DNAH14: variants seen among roughly 807,000 people sequenced by gnomAD.
DNAH14 encodes the protein dynein axonemal heavy chain 14.
DNAH14 carries 478 observed loss-of-function variants against 520.9 expected under a neutral mutation model. The ratio of observed to expected loss-of-function variants is 0.92; its 90% CI spans 0.85 to 0.99. The LOEUF is 0.99. Ranked by LOEUF, DNAH14 falls within the 50% of genes least tolerant of loss-of-function variation. The pLI, the probability that DNAH14 is intolerant of heterozygous loss-of-function variation, is 0.00. For synonymous variants in DNAH14, 1,581 were observed against 1,757.2 expected, an observed-to-expected ratio of 0.90 and a Z score of 2.51; for missense variants, 4,831 against 5,234.5, an observed-to-expected ratio of 0.92 and a Z score of 2.38.
chr1:225,097,119 A>G lies in DNAH14; in HGVS notation c.3575A>G (p.Asp1192Gly). The G allele has an allele frequency of 6.5e-7, 1 of 1,545,844 alleles. No homozygotes were observed. Among genetic ancestry groups the G allele is most frequent in the Non-Finnish European group, 8.7e-7 (1 of 1,144,110 alleles). The change falls in exon 22 of 86, where the codon GAT becomes GGT. Residue 1192 changes from aspartate (D) to glycine (G), a missense_variant and splice_region_variant. Asp to Gly is a moderately conservative substitution (Grantham distance 94). Transcript: ENST00000682510. Reference sequence around the variant, plus strand: ...GTGTATATGTTTTTATCATTGTAGGATCTTGTGAATGAATGGGATCAAAAC... The same window carrying G: ...GTGTATATGTTTTTATCATTGTAGGGTCTTGTGAATGAATGGGATCAAAAC... The part of the protein sequence containing the change: ...KGSPHIGPIK[D>G]LVNEWDQNLT...
chr1:225,257,193 G>A (rs656877), intron 44 of DNAH14, among the ~76,000 whole-genome samples: 49,453 of 152,080 alleles, frequency 0.33, 9,427 homozygotes, highest in East Asian at 0.61. Flanking sequence ...TGACCTCTCC[G>A]GGGTTAGGGC....
chr1:225,365,457 T>TC (rs1410940121), intron 76 of DNAH14, among the ~76,000 whole-genome samples: 1 of 152,170 alleles, frequency 6.6e-6, no homozygotes, highest in Non-Finnish European at 1.5e-5. Flanking sequence ...CCCGATCACG[T>TC]GCACACTACC....
chr1:225,358,802 A>G (rs944206626), intron 74 of DNAH14, 150 bp downstream of exon 74: 2 of 769,720 alleles, frequency 2.6e-6, no homozygotes, highest in Non-Finnish European at 4.0e-6. Flanking sequence ...GGTTCCCCCC[A>G]TGCTGTTCTC....
chr1:225,220,249 A>G (rs901210498), intron 41 of DNAH14, among the ~76,000 whole-genome samples: 4 of 152,222 alleles, frequency 2.6e-5, no homozygotes, highest in Non-Finnish European at 4.4e-5. Context: ...AACTGGCACA[A>G]GACAAGAATG....
intron 59 of DNAH14, among the ~76,000 whole-genome samples, chr1:225,308,068 G>A (rs895163287): frequency 6.6e-6 from 1 of 152,242 alleles, no homozygotes; most frequent in African/African-American, 2.4e-5. Flanking sequence ...GAGCTTATAA[G>A]AGGAGGCGCA....
intron 36 of DNAH14, among the ~76,000 whole-genome samples, chr1:225,175,691 T>C (rs529264796): frequency 3.9e-4 from 59 of 149,634 alleles, no homozygotes; most frequent in African/African-American, 1.4e-3. Context: ...TAAGTGTGTT[T>C]ATTTTGGATC....
chr1:225,277,642 G>T (rs1222413065), intron 54 of DNAH14, 140 bp downstream of exon 54: 3 of 373,224 alleles, frequency 8.0e-6, no homozygotes, highest in African/African-American at 4.3e-5. Context: ...CAGGACTCTT[G>T]TCCTCTCTGC....
rs1413747928 is a variant in DNAH14 at position 225,335,489 on chromosome 1, ACG to A, written c.10081-1776_10081-1775del. Reference sequence around the variant, plus strand: ...TACATGTGTGTGTATGCACATATACACGTGTGTACATGTACACATATACATAT... The same window carrying A: ...TACATGTGTGTGTATGCACATATACATGTGTACATGTACACATATACATAT... On this transcript the variant is annotated intron_variant, in intron 66 of 85. Transcript: ENST00000682510. Among the ~76,000 whole-genome samples, 619 of 149,772 alleles carry A rather than the reference ACG, an allele frequency of 4.1e-3. 37 individuals carry two copies. The highest frequency in any genetic ancestry group is 5.6e-3 in the Non-Finnish European group (373 of 66,892).
intron 11 of DNAH14, among the ~76,000 whole-genome samples, chr1:225,032,026 T>C (rs989537018): frequency 6.6e-6 from 1 of 152,146 alleles, no homozygotes; most frequent in African/African-American, 2.4e-5. Context: ...TTTCACTGGG[T>C]GTAGAGTTCT....
At chr1:225,173,147 A>G (rs2082902860) in intron 36 of DNAH14, among the ~76,000 whole-genome samples, 2 of 152,264 alleles carry the variant, frequency 1.3e-5, no homozygotes, top group Non-Finnish European at 1.5e-5. Flanking sequence ...ACCTAAAACC[A>G]TAAAAACCCT....
chr1:225,179,964 A>G (rs993922620), intron 36 of DNAH14, among the ~76,000 whole-genome samples: 1 of 152,088 alleles, frequency 6.6e-6, no homozygotes, highest in Non-Finnish European at 1.5e-5. Flanking sequence ...AAGGTTTCCA[A>G]TGAAAAGTCT....
intron 17 of DNAH14, among the ~76,000 whole-genome samples, chr1:225,078,357 G>T (rs2072549805): frequency 6.6e-6 from 1 of 152,090 alleles, no homozygotes; most frequent in Non-Finnish European, 1.5e-5. Flanking sequence ...TCACATACAT[G>T]CCCAAAAAGT....
In DNAH14 at chr1:225,265,762, A is replaced by G. The variant is rs184747629; in HGVS notation, c.7410+393A>G. 2.6e-5 allele frequency among the ~76,000 whole-genome samples: 4 copies of G among 152,198 alleles called. No homozygotes were observed. The East Asian group carries it at 7.7e-4, about 29-fold the overall frequency. The stretch of plus-strand genomic sequence containing the variant: ...TTGCTTCAGATTTCCTTGATTTTAA[A>G]TGAAGACACAGATAAACTTGGTCTT... On this transcript the variant is annotated intron_variant, in intron 48 of 85. Coordinates refer to ENST00000682510, the MANE Select transcript of DNAH14 (RefSeq NM_001367479.1).
intron 41 of DNAH14, among the ~76,000 whole-genome samples, chr1:225,225,644 A>T (rs2090463606): frequency 6.6e-6 from 1 of 152,214 alleles, no homozygotes; most frequent in Non-Finnish European, 1.5e-5. Context: ...CTTAATTTTT[A>T]AAATTTAGAT....
intron 53 of DNAH14, among the ~76,000 whole-genome samples, chr1:225,276,940 A>G (rs1435501858): frequency 8.8e-6 from 1 of 113,222 alleles, no homozygotes; most frequent in Non-Finnish European, 1.8e-5. Context: ...TAAGAAGAAG[A>G]AAAAGGAAGG....
At chr1:225,133,622 A>G (rs2078661362) in intron 27 of DNAH14, among the ~76,000 whole-genome samples, 1 of 152,184 alleles carries the variant, frequency 6.6e-6, no homozygotes. Flanking sequence ...TGTTTTGGTC[A>G]CTGTAGCCTT....
chr1:225,215,146 T>C (rs562243932), intron 41 of DNAH14, among the ~76,000 whole-genome samples: 5 of 149,870 alleles, frequency 3.3e-5, no homozygotes, highest in Non-Finnish European at 4.5e-5. Context: ...TCTTTATTTC[T>C]GCCTTCATTT....
At chr1:225,281,037 A>C (rs2093617561) in intron 54 of DNAH14, among the ~76,000 whole-genome samples, 1 of 152,238 alleles carries the variant, frequency 6.6e-6, no homozygotes. Context: ...CACCAATAAG[A>C]GCAATTACAT....
chr1:225,026,170 T>A (rs867958687), intron 11 of DNAH14, among the ~76,000 whole-genome samples: 39 of 152,014 alleles, frequency 2.6e-4, no homozygotes, highest in Non-Finnish European at 4.9e-4. Flanking sequence ...AAGAGTTCTT[T>A]ATTTATTAGA....
Sources: gnomAD v4.1 joint callset for allele counts (sites outside exome capture counted in the v4.1 genomes callset) on GRCh38, gnomAD v4.1.1 for gene constraint, MANE v1.5 for transcripts, NCBI Gene and HGNC (gene_info 2026-07-23, HGNC 2026-07-21) for gene names.